RFC2: variants seen among roughly 807,000 people sequenced by gnomAD.
RFC2 encodes A1 40 kDa subunit.
RFC2 carries 34 observed loss-of-function variants against 44.8 expected under a neutral mutation model. The ratio of observed to expected loss-of-function variants is 0.76; its 90% confidence interval spans 0.58 to 1.01. The LOEUF (loss-of-function observed/expected upper bound fraction) is 1.01. Ranked by LOEUF, RFC2 falls within the 50% of genes least tolerant of loss-of-function variation. RFC2 has a pLI of 0.00. For missense variants in RFC2, 400 were observed against 453.6 expected (o/e 0.88, Z 1.07); for synonymous variants, 177 against 168.9 (o/e 1.05, Z -0.37).
rs74387744 is a variant in RFC2, at chr7:74,233,899, T to C, written c.954+1633A>G. 1,409 of 456,632 alleles carry C rather than the reference T, an allele frequency of 3.1e-3. 10 individuals are homozygous for C. The highest frequency in any genetic ancestry group is 0.026 in the African/African-American group (1,302 of 50,122). 28.3% of individuals were successfully genotyped at this position (456,632 alleles called of 1,614,324 possible). ...CGGAAAACCGTTTGGCAGTTCCTTA[T>C]CGAGTAAAACATACACTTATCATTT... is the stretch of plus-strand genomic sequence containing the variant. On this transcript the variant is annotated intron_variant, in intron 10 of 10. Coordinates refer to ENST00000055077, the MANE Select transcript of RFC2 (RefSeq NM_181471.3).
chr7:74,245,605 C>T (rs782693634), intron 5 of RFC2, among the ~76,000 whole-genome samples: 4 of 149,726 alleles, frequency 2.7e-5, no homozygotes, highest in South Asian at 2.1e-4. Context: ...CCCAGCTACT[C>T]GAGAGGCTGA....
chr7:74,239,838 CTTG>C lies in RFC2; in HGVS notation c.693+97_693+99del, dbSNP rs1803225170. Reference sequence around the variant, plus strand: ...GGGTGCCAGGTCTCTGTCTCTTTCTCTTGTTGTACCTTGTGCAGCTGTCACTTC... The same window carrying C: ...GGGTGCCAGGTCTCTGTCTCTTTCTCTTGTACCTTGTGCAGCTGTCACTTC... On this transcript the variant is annotated intron_variant, in intron 7 of 10. Coordinates refer to ENST00000055077, the MANE Select transcript of RFC2 (RefSeq NM_181471.3). The C allele has an allele frequency of 2.6e-6, 3 of 1,161,196 alleles. No homozygotes were observed. In the South Asian group the frequency reaches 4.8e-5, roughly 18 times the overall value. 71.9% of individuals were successfully genotyped at this position (1,161,196 alleles called of 1,614,324 possible).
At position 74,253,119 on chromosome 7, in the gene RFC2, G is replaced by A. The variant is rs547538676; in HGVS notation, c.114-621C>T. Among the ~76,000 whole-genome samples, 185 of 152,148 alleles carry A rather than the reference G, an allele frequency of 1.2e-3. 1 individual carries two copies. Among genetic ancestry groups the A allele is most frequent in the African/African-American group, 4.2e-3 (174 of 41,492 alleles). ...GTGACACTGTGCTGCAACCCTGTCC[G>A]CCCGTCACAAGAGGCCCAGCACATA... On this transcript the variant is annotated intron_variant, in intron 1 of 10. Transcript: ENST00000055077.
chr7:74,252,566 G>T (rs1450384713), intron 1 of RFC2, 68 bp from the exon 2 acceptor site: 9 of 901,912 alleles, frequency 1.0e-5, no homozygotes, highest in Non-Finnish European at 1.7e-5. Context: ...AGCACCTAAG[G>T]GTTATCCTGA....
chr7:74,248,445 C>T (rs150294674), intron 4 of RFC2, among the ~76,000 whole-genome samples: 36 of 151,714 alleles, frequency 2.4e-4, no homozygotes, highest in African/African-American at 8.0e-4. Flanking sequence ...GCCTGGGCAA[C>T]ATAGTGAGAT....
intron 10 of RFC2, chr7:74,233,975 A>T: frequency 6.7e-6 from 3 of 450,418 alleles, no homozygotes; most frequent in Non-Finnish European, 1.4e-5. Context: ...GAAAAACTTA[A>T]CATTTGCATT....
At chr7:74,245,713 A>G (rs1803564871) in intron 5 of RFC2, among the ~76,000 whole-genome samples, 1 of 140,014 alleles carries the variant, frequency 7.1e-6, no homozygotes, top group African/African-American at 2.9e-5. Context: ...ACTCCGTCTC[A>G]CAAAAAAAAA....
chr7:74,238,555 C>T lies in RFC2; in HGVS notation c.759+368G>A, dbSNP rs1554718702. ...GGGAACAGCACAGTGCTCCTGCCTG[C>T]CCTTTAGGGGCCAGGGGATCCCCTG... On this transcript the variant is annotated intron_variant, in intron 8 of 10. Transcript: ENST00000055077. This position sits in a 1 kb window ranked among gnomAD's most constrained non-coding sequence, Gnocchi z 4.0. Among the ~76,000 whole-genome samples, 1 of 152,000 alleles carries T rather than the reference C, an allele frequency of 6.6e-6. No homozygotes were observed. Among genetic ancestry groups the T allele is most frequent in the East Asian group, 1.9e-4 (1 of 5,156 alleles).
At chr7:74,250,837 G>A (rs1786888727) in intron 2 of RFC2, among the ~76,000 whole-genome samples, 1 of 151,990 alleles carries the variant, frequency 6.6e-6, no homozygotes, top group African/African-American at 2.4e-5. Context: ...TGCCCAGGCT[G>A]GAGTACAATG....
chr7:74,237,261 G>A, intron 9 of RFC2, 101 bp downstream of exon 9: 1 of 733,338 alleles, frequency 1.4e-6, no homozygotes. Context: ...AAGAATGAAT[G>A]GAGTGATGTG....
At chr7:74,240,226 G>A in intron 6 of RFC2, 131 bp from the exon 7 acceptor site, 1 of 751,772 alleles carries the variant, frequency 1.3e-6, no homozygotes, top group Non-Finnish European at 2.1e-6. Context: ...TGGTAGGCCG[G>A]ACACGAGGGC....
chr7:74,235,874 G>T (rs76896207), intron 9 of RFC2, among the ~76,000 whole-genome samples: 4,795 of 151,888 alleles, frequency 0.032, 247 homozygotes, highest in African/African-American at 0.11. Context: ...GCCCAGGCTG[G>T]TCCCAAGTTC....
chr7:74,244,042 G>A (rs1193559515), intron 5 of RFC2, among the ~76,000 whole-genome samples: 1 of 148,742 alleles, frequency 6.7e-6, no homozygotes, highest in African/African-American at 2.5e-5. Context: ...CTTGAGGTCA[G>A]GAGTTCAAGA....
At chr7:74,234,075 G>C (rs782530801) in intron 10 of RFC2, among the ~76,000 whole-genome samples, 28 of 152,152 alleles carry the variant, frequency 1.8e-4, no homozygotes, top group Non-Finnish European at 2.6e-4. Context: ...CTGATGGACA[G>C]ATAAGCAAAC....
chr7:74,249,037 A>G lies in RFC2; in HGVS notation c.307T>C (p.Leu103=). ...CTGTCATTTGAAGCATTGAGTTCCA[A>G]CATGGCATCTTTGAGTGCTGGGCCC... ...LLGPALKDAM[L]ELNASNDRGI... Residue 103 remains leucine (L), a synonymous_variant, in exon 4 of 11, where the codon TTG becomes CTG. Transcript: ENST00000055077. The G allele has an allele frequency of 1.9e-6, 3 of 1,613,812 alleles. No individual in the cohort carries two copies. The highest frequency in any genetic ancestry group is 2.5e-6 in the Non-Finnish European group (3 of 1,179,812).
chr7:74,231,869 A>T lies in RFC2; in HGVS notation c.*237T>A, dbSNP rs1554717150. The T allele has an allele frequency of 5.6e-6, 2 of 354,552 alleles. No individual in the cohort carries two copies. Among genetic ancestry groups the T allele is most frequent in the African/African-American group, 4.2e-5 (2 of 47,330 alleles). 22.0% of individuals were successfully genotyped at this position (354,552 alleles called of 1,614,324 possible). A position where few individuals can be genotyped will look rare whatever the true frequency, so the allele number is the denominator to read the frequency against. ...TAATTTTTATATTTTTAGTAAAGAC[A>T]GGGTTTCCCCATGTTGGCCAGGCTG... is the stretch of plus-strand genomic sequence containing the variant. On this transcript the variant is annotated 3_prime_UTR_variant, in exon 11 of 11. Transcript: ENST00000055077.
At chr7:74,252,721 G>A (rs1413583243) in intron 1 of RFC2, among the ~76,000 whole-genome samples, 2 of 152,090 alleles carry the variant, frequency 1.3e-5, no homozygotes, top group Non-Finnish European at 2.9e-5. Context: ...GATCAATTGA[G>A]GTCAGGAGTT....
At chr7:74,237,015 C>T (rs781908646) in intron 9 of RFC2, among the ~76,000 whole-genome samples, 3 of 152,096 alleles carry the variant, frequency 2.0e-5, no homozygotes, top group Non-Finnish European at 2.9e-5. Flanking sequence ...ACAAGGAATT[C>T]AGCCTCTGAA....
In RFC2 at chr7:74,232,081, T is replaced by C; in HGVS notation, c.*25A>G. 2 of 1,394,736 alleles carry C rather than the reference T, an allele frequency of 1.4e-6. No individual in the cohort carries two copies. Among genetic ancestry groups the C allele is most frequent in the Non-Finnish European group, 2.0e-6 (2 of 982,036 alleles). 86.4% of individuals were successfully genotyped at this position (1,394,736 alleles called of 1,614,324 possible). A position where few individuals can be genotyped will look rare whatever the true frequency, so the allele number is the denominator to read the frequency against. The stretch of plus-strand genomic sequence containing the variant: ...CCTGTACCTCAGAATAGGGCACCTG[T>C]AAGTCAGTCAGTGAAGTCTCTGCTC... On this transcript the variant is annotated 3_prime_UTR_variant, in exon 11 of 11. Transcript: ENST00000055077.
Sources: gnomAD v4.1 joint callset for allele counts (sites outside exome capture counted in the v4.1 genomes callset) on GRCh38, gnomAD v4.1.1 for gene constraint, Gnocchi (gnomAD v3.1) non-coding constraint, MANE v1.5 for transcripts, NCBI Gene and HGNC (gene_info 2026-07-23, HGNC 2026-07-21) for gene names.